UBE2A: variants seen among roughly 807,000 people sequenced by gnomAD.
UBE2A encodes ubiquitin conjugating enzyme E2 A, also known as ubiquitin-conjugating enzyme E2 A.
For synonymous variants in UBE2A, 39 were observed against 41.1 expected (o/e 0.95, Z 0.20); for missense variants, 27 against 125.8 (o/e 0.21, Z 3.76).
chrX:119,575,308 A>G, intron 2 of UBE2A, 67 bp from the exon 3 acceptor site: 3 of 1,197,027 alleles, frequency 2.5e-6, no homozygotes, highest in Non-Finnish European at 3.4e-6. Flanking sequence ...CGGGATAGCC[A>G]TCTCAGATGA....
At chrX:119,575,009 G>C (rs943757318) in intron 2 of UBE2A, 28 bp downstream of exon 2, 127 of 1,202,159 alleles carry the variant, frequency 1.1e-4, no homozygotes, top group Non-Finnish European at 1.3e-4. Flanking sequence ...GCGGTGGCGA[G>C]AAAACTGGGG....
intron 2 of UBE2A, 145 bp downstream of exon 2, chrX:119,575,126 G>A: frequency 1.2e-6 from 1 of 829,796 alleles, no homozygotes; most frequent in Non-Finnish European, 1.8e-6. Flanking sequence ...CCCGGAGCCT[G>A]TGCCTCGATT....
At position 119,583,438 on chromosome X, in the gene UBE2A, C is replaced by T; in HGVS notation, c.*183C>T. Reference sequence around the variant, plus strand: ...CTCCTTAAACATCAGAAAACACCCTCTATGAAATCAAATGTACTGTACCTG... The same window carrying T: ...CTCCTTAAACATCAGAAAACACCCTTTATGAAATCAAATGTACTGTACCTG... On this transcript the variant is annotated 3_prime_UTR_variant, in exon 6 of 6. Coordinates refer to ENST00000371558, the MANE Select transcript of UBE2A (RefSeq NM_003336.4). 1.7e-6 allele frequency: 1 copy of T among 572,040 alleles called. No homozygotes were observed. Among genetic ancestry groups the T allele is most frequent in the Non-Finnish European group, 2.7e-6 (1 of 369,004 alleles). The allele number at this position is 572,040 out of a possible 1,213,427, so 47.1% of individuals were successfully genotyped here. A position where few individuals can be genotyped will look rare whatever the true frequency, so the allele number is the denominator to read the frequency against.
intron 3 of UBE2A, among the ~76,000 whole-genome samples, chrX:119,578,640 C>T (rs2053433008): frequency 9.0e-6 from 1 of 111,326 alleles, no homozygotes. Flanking sequence ...GCAGAAAACA[C>T]CTGCAGGTGT....
intron 3 of UBE2A, among the ~76,000 whole-genome samples, chrX:119,579,703 A>G (rs2053439110): frequency 1.8e-5 from 2 of 111,789 alleles, no homozygotes; most frequent in African/African-American, 6.5e-5. Context: ...AGTGTGTTTT[A>G]CTGTTTTTGC....
intron 2 of UBE2A, 96 bp downstream of exon 2, chrX:119,575,077 AG>A: frequency 9.3e-7 from 1 of 1,075,587 alleles, no homozygotes; most frequent in East Asian, 3.0e-5. Context: ...CCGAGCGGGT[AG>A]GGGAAAATGT....
At chrX:119,582,812 G>A (rs2053458522) in intron 5 of UBE2A, 136 bp downstream of exon 5, 6 of 576,138 alleles carry the variant, frequency 1.0e-5, no homozygotes, top group African/African-American at 2.3e-5. Flanking sequence ...ATGAAAAGTA[G>A]ACCATTAAGA....
chrX:119,582,790 T>C, intron 5 of UBE2A, 114 bp downstream of exon 5: 1 of 685,612 alleles, frequency 1.5e-6, no homozygotes, highest in South Asian at 2.4e-5. Context: ...TCAAAGCTTG[T>C]TTGTTTTATA....
chrX:119,577,788 C>T (rs1290679249), intron 3 of UBE2A, among the ~76,000 whole-genome samples: 1 of 109,072 alleles, frequency 9.2e-6, no homozygotes, highest in Non-Finnish European at 1.9e-5. Context: ...TTGCAGGCAC[C>T]TACCACCATG....
At chrX:119,575,604 T>TAAAA in intron 3 of UBE2A, 1 of 391,259 alleles carries the variant, frequency 2.6e-6, no homozygotes, top group Non-Finnish European at 4.3e-6. Flanking sequence ...CTTGCTTTCT[T>TAAAA]AAAAAAAAAA....
At chrX:119,575,651 A>G in intron 3 of UBE2A, 4 of 380,765 alleles carry the variant, frequency 1.1e-5, no homozygotes, top group Non-Finnish European at 1.8e-5. Flanking sequence ...AGGAGCAATC[A>G]TAGCACTGGT....
Position 119,583,229 on chromosome X carries a change from G to A in UBE2A, c.433G>A (p.Val145Ile). Residue 145 changes from valine (V) to isoleucine (I), a missense_variant, in exon 6 of 6, where the codon GTA becomes ATA. Val to Ile is a conservative substitution (Grantham distance 29). Transcript: ENST00000371558. Reference sequence around the variant, plus strand: ...ATATGAAAAGCGTGTTTCTGCAATAGTAGAACAAAGCTGGCGTGATTGTTG... The same window carrying A: ...ATATGAAAAGCGTGTTTCTGCAATAATAGAACAAAGCTGGCGTGATTGTTG... ...REYEKRVSAIVEQSWRDC is the reference protein window; with the variant it reads ...REYEKRVSAIIEQSWRDC The A allele has an allele frequency of 8.3e-7, 1 of 1,211,903 alleles. No homozygotes were observed. Among genetic ancestry groups the A allele is most frequent in the Non-Finnish European group, 1.1e-6 (1 of 895,562 alleles).
intron 3 of UBE2A, among the ~76,000 whole-genome samples, chrX:119,576,531 C>G (rs2053417353): frequency 9.1e-6 from 1 of 110,450 alleles, no homozygotes; most frequent in African/African-American, 3.3e-5. Flanking sequence ...ACACACACTT[C>G]AGTTTGAAGG....
chrX:119,582,990 A>C (rs2053460029), intron 5 of UBE2A, 137 bp from the exon 6 acceptor site: 4 of 768,923 alleles, frequency 5.2e-6, no homozygotes, highest in Non-Finnish European at 7.6e-6. Context: ...AGCTACTAGC[A>C]GATTCACATA....
chrX:119,580,578 C>A (rs184389323), intron 3 of UBE2A: 4 of 112,074 alleles, frequency 3.6e-5, no homozygotes, highest in African/African-American at 1.3e-4. Flanking sequence ...CAATTGTGTT[C>A]TTCAATTTAT....
intron 4 of UBE2A, among the ~76,000 whole-genome samples, chrX:119,582,197 G>C (rs1398414439): frequency 4.5e-5 from 5 of 112,340 alleles, no homozygotes; most frequent in Non-Finnish European, 9.4e-5. Context: ...ATGCCAAAAT[G>C]AAATCTTGTG....
At chrX:119,576,807 T>C (rs1023726231) in intron 3 of UBE2A, 2 of 112,623 alleles carry the variant, frequency 1.8e-5, no homozygotes, top group Admixed American at 9.4e-5. Flanking sequence ...GAAACAGTGA[T>C]TGTAAGGGCA....
intron 4 of UBE2A, chrX:119,582,374 C>T (rs1271882969): frequency 3.6e-6 from 1 of 277,615 alleles, no homozygotes; most frequent in Non-Finnish European, 6.4e-6. Flanking sequence ...AAATATCTTC[C>T]AGTTTTATAC....
intron 3 of UBE2A, among the ~76,000 whole-genome samples, chrX:119,578,941 G>T (rs2053434825): frequency 1.8e-5 from 2 of 111,531 alleles, no homozygotes; most frequent in Admixed American, 9.5e-5. Context: ...ATATTCAGAG[G>T]GTAAGCTGTA....
Sources: gnomAD v4.1 joint callset for allele counts (sites outside exome capture counted in the v4.1 genomes callset) on GRCh38, gnomAD v4.1.1 for gene constraint, MANE v1.5 for transcripts, NCBI Gene and HGNC (gene_info 2026-07-23, HGNC 2026-07-21) for gene names.